MOB3A: variants seen among roughly 807,000 people sequenced by gnomAD.
The protein encoded by MOB3A is MOB kinase activator 3A, also known as MOB LAK.
Under a neutral mutation model 17.8 loss-of-function variants are expected in MOB3A, and 17 were observed. The ratio of observed to expected loss-of-function variants is 0.95; its 90% CI spans 0.65 to 1.43. MOB3A has a LOEUF of 1.43. MOB3A is among the 40% of genes most tolerant of loss of function. The pLI, the probability that MOB3A is intolerant of heterozygous loss-of-function variation, is 0.00. For synonymous variants in MOB3A, 124 were observed against 133.2 expected (o/e 0.93, Z 0.48); for missense variants, 333 against 310.8 (o/e 1.07, Z -0.54).
chr19:2,086,699 G>A (rs1414827896), intron 1 of MOB3A, among the ~76,000 whole-genome samples: 1 of 152,162 alleles, frequency 6.6e-6, no homozygotes, highest in Non-Finnish European at 1.5e-5. Context: ...CCTGGTGCTG[G>A]TAGGCCACCC....
intron 2 of MOB3A, among the ~76,000 whole-genome samples, chr19:2,080,505 G>A (rs1424009829): frequency 1.3e-5 from 2 of 151,986 alleles, no homozygotes; most frequent in African/African-American, 4.8e-5. Flanking sequence ...AGCCTCCCGA[G>A]TAGCTGGCAC....
upstream of MOB3A, chr19:2,096,507 G>A (rs534578811): frequency 9.9e-5 from 17 of 170,866 alleles, no homozygotes; most frequent in Admixed American, 4.5e-4. Context: ...AGCAGCCCTG[G>A]GATGCCCTGA....
At position 2,078,218 on chromosome 19, in the gene MOB3A, CG is replaced by C. The variant is rs1370814451; in HGVS notation, c.342del (p.Ala115ArgfsTer8). On this transcript the variant is annotated frameshift_variant, in exon 3 of 5. Transcript: ENST00000357066. LOFTEE classifies it high-confidence loss of function. ...ATCAGCAGGTCCATGTACCTGGGCGCGGAGAGTGCCGTGGGCTTCCGGAACT... is the reference window on the plus strand; with the variant it reads ...ATCAGCAGGTCCATGTACCTGGGCGCGAGAGTGCCGTGGGCTTCCGGAACT... ...EHKFRKPTAL[S>X]APRYMDLLMD... is the part of the protein sequence containing the mutation. The C allele has an allele frequency of 1.9e-6, 3 of 1,613,418 alleles. No individual in the cohort carries two copies. The highest frequency in any genetic ancestry group is 2.7e-5 in the African/African-American group (2 of 75,028).
Position 2,078,444 on chromosome 19 carries a change from C to G in MOB3A, c.117G>C (p.Leu39=). 6.2e-7 allele frequency: 1 copy of G among 1,613,712 alleles called. No individual in the cohort carries two copies. Among genetic ancestry groups the G allele is most frequent in the East Asian group, 2.2e-5 (1 of 44,870 alleles). ...FELHKKAQAS[L]NAGLDLRLAV... is the part of the protein sequence containing the mutation. ...CCAGCCGCAGGTCCAGCCCGGCGTT[C>G]AGCGACGCCTGCGCCTTCTTGTGCA... The change falls in exon 3 of 5, where the codon CTG becomes CTC. Residue 39 remains leucine, a synonymous_variant. Coordinates refer to ENST00000357066, the MANE Select transcript of MOB3A (RefSeq NM_130807.3).
At chr19:2,084,310 T>A in intron 2 of MOB3A, 1 of 365,602 alleles carries the variant, frequency 2.7e-6, no homozygotes, top group Non-Finnish European at 5.5e-6. Flanking sequence ...CTGGCCAACA[T>A]GGTGAAACCC....
intron 4 of MOB3A, 77 bp downstream of exon 4, chr19:2,076,734 T>C (rs2017413986): frequency 1.4e-6 from 2 of 1,479,844 alleles, no homozygotes; most frequent in South Asian, 1.2e-5. Context: ...GTCAGGGTCC[T>C]GGCCCCGGAA....
rs749405559 is a variant in MOB3A, at chr19:2,094,338, C to T, written c.-274+1888G>A. 3.1e-4 allele frequency among the ~76,000 whole-genome samples: 47 copies of T among 152,170 alleles called. 1 individual carries two copies. The highest frequency in any genetic ancestry group is 5.4e-4 in the Non-Finnish European group (37 of 68,040). ...TTGGGATCACAGGCACGAACGACTG[C>T]GCCGGGCCACCCTCTTGCACTTCTG... On this transcript the variant is annotated intron_variant, in intron 1 of 4. Transcript: ENST00000357066.
chr19:2,092,183 C>T (rs2017622304), intron 1 of MOB3A, among the ~76,000 whole-genome samples: 1 of 149,386 alleles, frequency 6.7e-6, no homozygotes, highest in Non-Finnish European at 1.5e-5. Context: ...TCACTGCAGC[C>T]TCAACCTCCT....
At position 2,076,982 on chromosome 19, in the gene MOB3A, C is replaced by T. The variant is rs756166447; in HGVS notation, c.453G>A (p.Thr151=). 15 of 1,613,566 alleles carry T rather than the reference C, an allele frequency of 9.3e-6. No individual in the cohort carries two copies. Among genetic ancestry groups the T allele is most frequent in the African/African-American group, 2.7e-5 (2 of 74,928 alleles). The change falls in exon 4 of 5, where the codon ACG becomes ACA. Residue 151 remains threonine (T), a synonymous_variant. Transcript: ENST00000357066. ...ACAGCCGCGACAGGATCTTCCGCACCGTCTGCAGGAAGTTCTTGGGAAACG... is the reference window on the plus strand; with the variant it reads ...ACAGCCGCGACAGGATCTTCCGCACTGTCTGCAGGAAGTTCTTGGGAAACG... ...GTPFPKNFLQ[T]VRKILSRLFR...
chr19:2,076,745 G>T, intron 4 of MOB3A, 66 bp downstream of exon 4: 1 of 1,535,422 alleles, frequency 6.5e-7, no homozygotes, highest in South Asian at 1.1e-5. Context: ...GGCCCCGGAA[G>T]GGTTCCTCTG....
At position 2,091,869 on chromosome 19, in the gene MOB3A, C is replaced by A. The variant is rs1240468167; in HGVS notation, c.-274+4357G>T. Among the ~76,000 whole-genome samples the A allele has an allele frequency of 1.3e-5, 2 of 149,286 alleles. 1 individual carries two copies. The highest frequency in any genetic ancestry group is 3.0e-5 in the Non-Finnish European group (2 of 67,288). On this transcript the variant is annotated intron_variant, in intron 1 of 4. Transcript: ENST00000357066. ...AAAATTAGCCAGGCGTGGTGGCGGGCGCCTGTAATCCCAGCTATTCAGGAG... is the reference window on the plus strand; with the variant it reads ...AAAATTAGCCAGGCGTGGTGGCGGGAGCCTGTAATCCCAGCTATTCAGGAG...
At chr19:2,076,386 C>T (rs1171472980) in intron 4 of MOB3A, among the ~76,000 whole-genome samples, 2 of 151,326 alleles carry the variant, frequency 1.3e-5, no homozygotes, top group East Asian at 3.9e-4. Context: ...GAGCCGAGAT[C>T]GCACCACTGC....
At chr19:2,075,151 C>T (rs1420123659) in intron 4 of MOB3A, among the ~76,000 whole-genome samples, 4 of 152,082 alleles carry the variant, frequency 2.6e-5, no homozygotes, top group Non-Finnish European at 5.9e-5. Context: ...GTCTCAGCCC[C>T]CTGAGTAGCT....
At chr19:2,091,933 G>A (rs2017618287) in intron 1 of MOB3A, among the ~76,000 whole-genome samples, 1 of 150,270 alleles carries the variant, frequency 6.7e-6, no homozygotes, top group Admixed American at 6.6e-5. Context: ...GGAGGCGGAG[G>A]TTGCAGTGAG....
chr19:2,076,060 T>C (rs556855746), intron 4 of MOB3A, among the ~76,000 whole-genome samples: 2 of 139,096 alleles, frequency 1.4e-5, no homozygotes, highest in South Asian at 4.6e-4. Flanking sequence ...AAGGTGGGGG[T>C]TGCAGTAAGC....
intron 4 of MOB3A, among the ~76,000 whole-genome samples, chr19:2,075,287 C>G (rs2017390320): frequency 1.3e-5 from 2 of 152,172 alleles, no homozygotes; most frequent in African/African-American, 4.8e-5. Flanking sequence ...TCTTTGGCCT[C>G]CCAAAGGGCT....
chr19:2,077,968 AG>A (rs1156925250), intron 3 of MOB3A, among the ~76,000 whole-genome samples, 171 bp downstream of exon 3: 1 of 151,928 alleles, frequency 6.6e-6, no homozygotes, highest in East Asian at 1.9e-4. Flanking sequence ...AATTTTTTGT[AG>A]AGATGGGATC....
intron 4 of MOB3A, 82 bp downstream of exon 4, chr19:2,076,729 G>T: frequency 7.0e-7 from 1 of 1,438,600 alleles, no homozygotes; most frequent in Non-Finnish European, 9.5e-7. Context: ...AAGCAGTCAG[G>T]GTCCTGGCCC....
chr19:2,074,386 G>T (rs1568250388), intron 4 of MOB3A, among the ~76,000 whole-genome samples: 1 of 151,250 alleles, frequency 6.6e-6, no homozygotes, highest in Non-Finnish European at 1.5e-5. Context: ...CAGAAAAAAA[G>T]AAAAAGAAAA....
Sources: allele counts gnomAD v4.1 joint callset (sites outside exome capture counted in the v4.1 genomes callset), GRCh38; gene constraint gnomAD v4.1.1; transcripts MANE v1.5; gene names NCBI Gene and HGNC (gene_info 2026-07-23, HGNC 2026-07-21).